The following TSHZ2 variants were observed in gnomAD, a reference collection of about 807,000 sequenced individuals.
TSHZ2 encodes the protein teashirt zinc finger homeobox 2, also known as teashirt homolog 2.
Under a neutral mutation model 74.4 loss-of-function variants are expected in TSHZ2, and 21 were observed. The ratio of observed to expected loss-of-function variants is 0.28; its 90% CI spans 0.20 to 0.41. TSHZ2 has a LOEUF of 0.41. Among genes scored for constraint, TSHZ2 ranks in the 10% least tolerant of loss-of-function variants. TSHZ2 has a pLI of 1.00. For missense variants in TSHZ2, 1,244 were observed against 1,293.5 expected, an observed-to-expected ratio of 0.96 and a Z score of 0.59; for synonymous variants, 540 against 515.3, an observed-to-expected ratio of 1.05 and a Z score of -0.65.
intron 2 of TSHZ2, chr20:53,399,099 A>G (rs1161536934): frequency 6.6e-6 from 1 of 152,220 alleles, no homozygotes; most frequent in African/African-American, 2.4e-5. Context: ...GACCACTCCC[A>G]AAGTTTAGCA....
chr20:53,472,771 A>C (rs1568933652), intron 2 of TSHZ2, among the ~76,000 whole-genome samples: 1 of 150,856 alleles, frequency 6.6e-6, no homozygotes, highest in African/African-American at 2.4e-5. Context: ...AGGGAGTGGC[A>C]GACAGTGGGC....
At chr20:53,404,993 G>C (rs1434332406) in intron 2 of TSHZ2, among the ~76,000 whole-genome samples, 1 of 152,210 alleles carries the variant, frequency 6.6e-6, no homozygotes, top group Non-Finnish European at 1.5e-5. Context: ...GTTCATCCCT[G>C]TAATCTAGCA....
chr20:53,469,116 G>A (rs1351195415), intron 2 of TSHZ2, among the ~76,000 whole-genome samples: 24 of 125,526 alleles, frequency 1.9e-4, no homozygotes, highest in South Asian at 2.7e-4. Context: ...TAGAATATTC[G>A]GTTTCACTTA....
chr20:53,464,019 C>T (rs1985483545), intron 2 of TSHZ2, among the ~76,000 whole-genome samples: 3 of 152,198 alleles, frequency 2.0e-5, no homozygotes, highest in Non-Finnish European at 2.9e-5. Flanking sequence ...TGTCACCACC[C>T]GCAAAATGGT....
chr20:52,973,056 C>T lies in TSHZ2; in HGVS notation c.-238C>T, dbSNP rs767403731. 2.1e-6 allele frequency: 1 copy of T among 478,500 alleles called. No individual in the cohort carries two copies. The highest frequency in any genetic ancestry group is 3.7e-6 in the Non-Finnish European group (1 of 269,316). 29.6% of individuals were successfully genotyped at this position (478,500 alleles called of 1,614,324 possible). On this transcript the variant is annotated 5_prime_UTR_variant, in exon 1 of 3. Transcript: ENST00000371497. ...AACAAACAAACAAACAAGGCAGAACCAACCTCTACTTCAAAGCAGCCGGCA... is the reference window on the plus strand; with the variant it reads ...AACAAACAAACAAACAAGGCAGAACTAACCTCTACTTCAAAGCAGCCGGCA...
At chr20:53,033,377 T>A (rs1193479310) in intron 1 of TSHZ2, among the ~76,000 whole-genome samples, 2 of 152,172 alleles carry the variant, frequency 1.3e-5, no homozygotes, top group Admixed American at 6.5e-5. Flanking sequence ...CAATGTGTGA[T>A]GTGAAAAGAG....
At position 53,116,309 on chromosome 20, in the gene TSHZ2, A is replaced by G. The variant is rs79850978; in HGVS notation, c.41-137190A>G. On this transcript the variant is annotated intron_variant, in intron 1 of 2. Transcript: ENST00000371497. ...TGACTGTGTAGCTCATTTTGTCTTT[A>G]TTGCATAGGCAAATCATTATTCGGT... 1.7e-3 allele frequency among the ~76,000 whole-genome samples: 264 copies of G among 152,282 alleles called. 1 individual carries two copies. The East Asian group carries it at 0.04, about 23-fold the overall frequency.
chr20:53,353,637 C>T (rs1371619611), intron 2 of TSHZ2, among the ~76,000 whole-genome samples: 1 of 152,162 alleles, frequency 6.6e-6, no homozygotes, highest in Non-Finnish European at 1.5e-5. Flanking sequence ...CAACTGAGCA[C>T]CTTTGTAACC....
At chr20:53,211,261 G>A (rs146966197) in intron 1 of TSHZ2, among the ~76,000 whole-genome samples, 7 of 152,212 alleles carry the variant, frequency 4.6e-5, no homozygotes, top group East Asian at 1.9e-4. Flanking sequence ...TCCCAAGATC[G>A]GCGTTTAAAA....
intron 1 of TSHZ2, among the ~76,000 whole-genome samples, chr20:53,114,676 G>A (rs1392637696): frequency 6.6e-6 from 1 of 152,142 alleles, no homozygotes; most frequent in African/African-American, 2.4e-5. Flanking sequence ...CCAAATGGCT[G>A]CTCTTGCTCA....
chr20:53,274,397 CT>C (rs1261811768), intron 2 of TSHZ2, among the ~76,000 whole-genome samples: 1 of 152,240 alleles, frequency 6.6e-6, no homozygotes, highest in African/African-American at 2.4e-5. Flanking sequence ...TCTCTCCATT[CT>C]GTAATTCAGC....
At chr20:53,048,929 A>G (rs1984328624) in intron 1 of TSHZ2, among the ~76,000 whole-genome samples, 1 of 152,174 alleles carries the variant, frequency 6.6e-6, no homozygotes, top group African/African-American at 2.4e-5. Flanking sequence ...TAGGTCAGAG[A>G]TTCACCCAGC....
chr20:53,195,051 T>C (rs1159082193), intron 1 of TSHZ2, among the ~76,000 whole-genome samples: 1 of 152,136 alleles, frequency 6.6e-6, no homozygotes, highest in African/African-American at 2.4e-5. Context: ...TGGGGATTGG[T>C]GGCAAGGGGT....
intron 1 of TSHZ2, among the ~76,000 whole-genome samples, chr20:53,079,236 T>C (rs899096737): frequency 1.3e-5 from 2 of 152,146 alleles, no homozygotes; most frequent in Non-Finnish European, 2.9e-5. Flanking sequence ...AAATGCACAC[T>C]GGACTTAACT....
chr20:53,453,937 A>G (rs980371769), intron 2 of TSHZ2, among the ~76,000 whole-genome samples: 1 of 152,212 alleles, frequency 6.6e-6, no homozygotes, highest in Non-Finnish European at 1.5e-5. Flanking sequence ...CTGAACTCCT[A>G]CTTGGGTCAA....
intron 1 of TSHZ2, among the ~76,000 whole-genome samples, chr20:53,115,902 C>T (rs1055789034): frequency 6.6e-6 from 1 of 152,052 alleles, no homozygotes; most frequent in Non-Finnish European, 1.5e-5. Flanking sequence ...AATGAAAGAA[C>T]AACAAAGGAA....
chr20:53,335,095 T>C (rs762426665), intron 2 of TSHZ2, among the ~76,000 whole-genome samples: 1 of 152,224 alleles, frequency 6.6e-6, no homozygotes, highest in Non-Finnish European at 1.5e-5. Flanking sequence ...GAGACGACCA[T>C]GCCTTGGACC....
At chr20:53,155,085 A>G (rs1308163905) in intron 1 of TSHZ2, among the ~76,000 whole-genome samples, 2 of 128,882 alleles carry the variant, frequency 1.6e-5, no homozygotes, top group South Asian at 2.4e-4. Flanking sequence ...TAGTTTTGTC[A>G]GGAACTACAT....
intron 2 of TSHZ2, among the ~76,000 whole-genome samples, chr20:53,456,310 A>G (rs935855259): frequency 2.7e-5 from 4 of 150,814 alleles, no homozygotes; most frequent in African/African-American, 9.7e-5. Context: ...TCTGATGGCC[A>G]GTGATGATGA....
Sources: allele counts gnomAD v4.1 joint callset (sites outside exome capture counted in the v4.1 genomes callset), GRCh38; gene constraint gnomAD v4.1.1; transcripts MANE v1.5; gene names NCBI Gene and HGNC (gene_info 2026-07-23, HGNC 2026-07-21).